The following PRRT4 variants were observed in gnomAD, a reference collection of about 807,000 sequenced individuals.
The protein encoded by PRRT4 is proline rich transmembrane protein 4, also known as proline-rich transmembrane protein 4.
PRRT4 carries 59 observed loss-of-function variants against 55.6 expected under a neutral mutation model. The ratio of observed to expected loss-of-function variants is 1.06; its 90% CI spans 0.86 to 1.32. The LOEUF is 1.32. Among genes scored for constraint, PRRT4 ranks in the 40% most tolerant of loss-of-function variants. The pLI is 0.00. For missense variants in PRRT4, 1,217 were observed against 1,222.0 expected (o/e 1.00, Z 0.06); for synonymous variants, 606 against 601.8 (o/e 1.01, Z -0.10).
At chr7:128,351,985 C>T (rs1562966088) in exon 5 of PRRT4, 1 of 1,301,408 alleles carries the variant, frequency 7.7e-7, no homozygotes, top group Non-Finnish European at 9.8e-7. Context: ...CCCGGCCCGC[C>T]GCCGCCGCCC....
Position 128,358,639 on chromosome 7 carries a change from C to T in PRRT4, c.877+42G>A. The T allele has an allele frequency of 6.5e-7, 1 of 1,527,280 alleles. No homozygotes were observed. The highest frequency in any genetic ancestry group is 8.9e-7 in the Non-Finnish European group (1 of 1,125,512). 94.6% of individuals were successfully genotyped at this position (1,527,280 alleles called of 1,614,324 possible). On this transcript the variant is annotated intron_variant, in intron 4 of 4. Transcript: ENST00000535159. The surrounding 1 kb of genome is among the most constrained non-coding windows in gnomAD (Gnocchi z 4.4). ...ATGAGTGACTAGCATGTAGTAAGTG[C>T]TCAATAAATAATTGTCAAGTTCAAA... is the stretch of plus-strand genomic sequence containing the variant.
At chr7:128,351,339 C>G (rs1280442332) in exon 5 of PRRT4, 2 of 1,546,978 alleles carry the variant, frequency 1.3e-6, no homozygotes, top group Non-Finnish European at 1.7e-6. Context: ...CAAGCAGGGC[C>G]TCGCTGCAGA....
chr7:128,354,705 A>T (rs567807014), intron 4 of PRRT4, among the ~76,000 whole-genome samples: 1 of 152,290 alleles, frequency 6.6e-6, no homozygotes, highest in African/African-American at 2.4e-5. Context: ...GGTGGCTCTG[A>T]GAGAAGGAAA....
chr7:128,358,541 C>T lies in PRRT4; in HGVS notation c.877+140G>A. 1.3e-6 allele frequency: 1 copy of T among 791,118 alleles called. No homozygotes were observed. Among genetic ancestry groups the T allele is most frequent in the South Asian group, 1.7e-5 (1 of 58,908 alleles). 49.0% of individuals were successfully genotyped at this position (791,118 alleles called of 1,614,324 possible). On this transcript the variant is annotated intron_variant, in intron 4 of 4. Transcript: ENST00000535159. This position sits in a 1 kb window ranked among gnomAD's most constrained non-coding sequence, Gnocchi z 4.4. ...TTTCTCTCAGACCATTCATATATAT[C>T]TCCACGGTGATGATGAAGAGAATGA... is the stretch of plus-strand genomic sequence containing the variant.
At chr7:128,352,052 G>C in exon 5 of PRRT4, 1 of 1,246,610 alleles carries the variant, frequency 8.0e-7, no homozygotes. Context: ...AGAAAGGCGT[G>C]CAGCCCGCGC....
chr7:128,359,076 T>G, intron 3 of PRRT4, 73 bp downstream of exon 4: 1 of 1,455,480 alleles, frequency 6.9e-7, no homozygotes, highest in Admixed American at 2.0e-5. Context: ...AGAAAGGTAC[T>G]TGTTAGGCTC....
At position 128,359,585 on chromosome 7, in the gene PRRT4, G is replaced by A. The variant is rs573365603; in HGVS notation, c.407C>T (p.Ser136Phe). ...GGCAGTGGGCCCATCGCTGGGCCCA[G>A]AGCGCCGGGATGTGGACTCCGGAAG... Residue 136 changes from serine (S) to phenylalanine (F), a missense_variant, in exon 2 of 5, where the codon TCT (serine) becomes TTT (phenylalanine). Physicochemically the swap from Ser to Phe is radical, Grantham distance 155 (BLOSUM62 -2). This residue lies in a region of PRRT4 where 564 missense variants were observed against 592.9 expected (regional missense o/e 0.95). Transcript: ENST00000535159. 151 of 1,505,450 alleles carry A rather than the reference G, an allele frequency of 1.0e-4. No homozygotes were observed. The highest frequency in any genetic ancestry group is 1.3e-4 in the Non-Finnish European group (141 of 1,124,904). 93.3% of individuals were successfully genotyped at this position (1,505,450 alleles called of 1,614,324 possible).
chr7:128,354,700 C>A (rs1282536216), intron 4 of PRRT4, among the ~76,000 whole-genome samples: 1 of 152,054 alleles, frequency 6.6e-6, no homozygotes, highest in Non-Finnish European at 1.5e-5. Flanking sequence ...TGGCAGGTGG[C>A]TCTGAGAGAA....
exon 5 of PRRT4, chr7:128,352,551 C>T: frequency 1.3e-6 from 2 of 1,544,664 alleles, no homozygotes; most frequent in African/African-American, 1.4e-5. Context: ...CCTCGGGAGG[C>T]TGCCCCTCGC....
In PRRT4 at chr7:128,351,879, GC is replaced by G. The variant is rs964218756; in HGVS notation, c.1676del (p.Arg559ProfsTer12). 2.8e-5 allele frequency: 37 copies of G among 1,328,214 alleles called. No individual in the cohort carries two copies. The highest frequency in any genetic ancestry group is 3.3e-5 in the Non-Finnish European group (35 of 1,047,004). The allele number at this position is 1,328,214 out of a possible 1,614,324, so 82.3% of individuals were successfully genotyped here. On this transcript the variant is annotated frameshift_variant, in exon 5 of 5. Coordinates refer to ENST00000535159, the Ensembl canonical transcript of PRRT4. LOFTEE classifies it high-confidence loss of function. ...CGAAGGTGCCCGCCACCGGGGCCGTGCGCGCCGCGCGCCGCCAGGACTCCCG... is the reference window on the plus strand; with the variant it reads ...CGAAGGTGCCCGCCACCGGGGCCGTGGCGCCGCGCGCCGCCAGGACTCCCG...
chr7:128,351,800 C>G (rs1456024698), exon 5 of PRRT4: 1 of 1,419,994 alleles, frequency 7.0e-7, no homozygotes, highest in Non-Finnish European at 9.1e-7. Context: ...GATTGGCCGC[C>G]GTAGCCCAGG....
chr7:128,351,687 C>A (rs996862740), exon 5 of PRRT4: 6 of 1,508,780 alleles, frequency 4.0e-6, no homozygotes, highest in Non-Finnish European at 5.3e-6. Context: ...GACTGCAGAG[C>A]GCCGGGTAGA....
At chr7:128,354,618 TAATA>T (rs1415400680) in intron 4 of PRRT4, among the ~76,000 whole-genome samples, 3 of 147,154 alleles carry the variant, frequency 2.0e-5, no homozygotes, top group Non-Finnish European at 4.5e-5. Context: ...TTCTTAAAAA[TAATA>T]AATGCGTAAA....
At chr7:128,360,501 C>T (rs896503398) in intron 1 of PRRT4, among the ~76,000 whole-genome samples, 3 of 152,220 alleles carry the variant, frequency 2.0e-5, no homozygotes, top group Admixed American at 1.3e-4. Context: ...CCAACCCCCA[C>T]CTCCCGCCCC....
exon 5 of PRRT4, chr7:128,351,573 C>T: frequency 6.7e-7 from 1 of 1,500,878 alleles, no homozygotes; most frequent in Non-Finnish European, 8.8e-7. Flanking sequence ...TCCCCAGGGG[C>T]TCCTTGTCTG....
intron 4 of PRRT4, among the ~76,000 whole-genome samples, chr7:128,356,714 C>A (rs973280403): frequency 6.6e-6 from 1 of 152,196 alleles, no homozygotes; most frequent in Non-Finnish European, 1.5e-5. Flanking sequence ...TGGGAGGGAA[C>A]AGTTTGATTC....
Position 128,361,076 on chromosome 7 carries a change from G to GTCTC in PRRT4, c.-73+481_-73+484dup, listed in dbSNP as rs71160633. Among the ~76,000 whole-genome samples the GTCTC allele has an allele frequency of 2.9e-3, 296 of 100,472 alleles. 1 individual carries two copies. The highest frequency in any genetic ancestry group is 9.8e-3 in the African/African-American group (241 of 24,622). The allele number at this position is 100,472 out of a possible 152,430, so 65.9% of individuals were successfully genotyped here. ...GCTCTGTGAGCCCCCGGCCTCCCCT[G>GTCTC]TCTCTCTCTCTCTCTCTCTCTCTCT... On this transcript the variant is annotated intron_variant, in intron 1 of 4. Transcript: ENST00000535159.
chr7:128,351,332 G>A, exon 5 of PRRT4: 1 of 1,546,560 alleles, frequency 6.5e-7, no homozygotes, highest in East Asian at 2.4e-5. Context: ...CCAGGCGCAA[G>A]CAGGGCCTCG....
chr7:128,350,883 GCTCAGCT>G lies in PRRT4; in HGVS notation c.2666_2672del (p.Glu889AlafsTer7). The G allele has an allele frequency of 6.4e-7, 1 of 1,551,170 alleles. No individual in the cohort carries two copies. Among genetic ancestry groups the G allele is most frequent in the Non-Finnish European group, 8.7e-7 (1 of 1,146,966 alleles). On this transcript the variant is annotated frameshift_variant, in exon 5 of 5. Coordinates refer to ENST00000535159, the Ensembl canonical transcript of PRRT4. LOFTEE classifies it high-confidence loss of function. The stretch of plus-strand genomic sequence containing the variant: ...ACAGGTCTATGGTGTCGCTGCCCAC[GCTCAGCT>G]CGTCGATCTGTCGGCAGGCGTCCAG...
Sources: allele counts gnomAD v4.1 joint callset (sites outside exome capture counted in the v4.1 genomes callset), GRCh38; gene constraint gnomAD v4.1.1; regional missense constraint gnomAD v4.1.1; non-coding constraint Gnocchi (gnomAD v3.1); transcripts MANE v1.5; gene names NCBI Gene and HGNC (gene_info 2026-07-23, HGNC 2026-07-21).